The following PRR23E variants were observed in gnomAD, a reference collection of about 807,000 sequenced individuals.
The protein encoded by PRR23E is proline-rich protein 23E.
the PRR23E span, among the ~76,000 whole-genome samples, chr3:127,194,125 A>G: frequency 9.3e-4 from 141 of 152,344 alleles, no homozygotes; most frequent in African/African-American, 3.2e-3. Context: ...TTAAATAGCC[A>G]GTTTTATCTG....
the PRR23E span, among the ~76,000 whole-genome samples, chr3:127,195,161 C>T: frequency 6.6e-6 from 1 of 152,198 alleles, no homozygotes; most frequent in Non-Finnish European, 1.5e-5. Context: ...ATACACCAGA[C>T]CCACTCAGCC....
chr3:127,196,895 A>G, the PRR23E span: 1 of 1,599,198 alleles, frequency 6.3e-7, no homozygotes, highest in African/African-American at 1.3e-5. Flanking sequence ...TTTCCCCACA[A>G]GCTTACCCAG....
At chr3:127,197,303 G>C in the PRR23E span, 1 of 1,598,836 alleles carries the variant, frequency 6.3e-7, no homozygotes, top group Non-Finnish European at 8.5e-7. Context: ...GCAGTTCAGA[G>C]CTCCGCCCTC....
the PRR23E span, chr3:127,197,392 G>T: frequency 1.3e-6 from 2 of 1,555,648 alleles, no homozygotes; most frequent in South Asian, 2.4e-5. Context: ...TGCAGGGCCC[G>T]CCGCCGCCTC....
chr3:127,196,573 T>G, the PRR23E span: 5 of 1,433,006 alleles, frequency 3.5e-6, no homozygotes, highest in African/African-American at 5.7e-5. Flanking sequence ...TCTGACTGGC[T>G]GTCTGCTCAC....
At chr3:127,195,155 A>C in the PRR23E span, among the ~76,000 whole-genome samples, 1 of 152,104 alleles carries the variant, frequency 6.6e-6, no homozygotes, top group East Asian at 1.9e-4. Flanking sequence ...GAAGAGATAC[A>C]CCAGACCCAC....
chr3:127,195,000 T>C, the PRR23E span, among the ~76,000 whole-genome samples: 4 of 152,170 alleles, frequency 2.6e-5, no homozygotes, highest in African/African-American at 9.7e-5. Context: ...GCACCTCCCA[T>C]GGTCCAGGAC....
At chr3:127,197,302 A>G in the PRR23E span, 2 of 1,598,178 alleles carry the variant, frequency 1.3e-6, no homozygotes, top group Non-Finnish European at 1.7e-6. Context: ...TGCAGTTCAG[A>G]GCTCCGCCCT....
the PRR23E span, among the ~76,000 whole-genome samples, chr3:127,194,968 C>G: frequency 6.6e-6 from 1 of 152,194 alleles, no homozygotes; most frequent in East Asian, 1.9e-4. Flanking sequence ...GTTTCCATCT[C>G]AGAGCATCAG....
chr3:127,193,537 G>T, the PRR23E span, among the ~76,000 whole-genome samples: 1 of 152,002 alleles, frequency 6.6e-6, no homozygotes, highest in East Asian at 1.9e-4. Context: ...GCCAAGCCCA[G>T]GACCCTCCTG....
chr3:127,197,211 G>C, the PRR23E span: 1 of 1,597,408 alleles, frequency 6.3e-7, no homozygotes, highest in South Asian at 1.1e-5. Context: ...GCCATCCAGA[G>C]GAGCTCCCTA....
chr3:127,196,989 T>A, the PRR23E span: 1 of 1,599,246 alleles, frequency 6.3e-7, no homozygotes. Context: ...GCCTTCAGTG[T>A]GGCTGTATTG....
At chr3:127,197,374 G>C in the PRR23E span, 754 of 1,573,510 alleles carry the variant, frequency 4.8e-4, 5 homozygotes, top group African/African-American at 3.2e-3. Flanking sequence ...TCCTCCTCCC[G>C]GTCACCCTGC....
At chr3:127,196,268 C>T in the PRR23E span, among the ~76,000 whole-genome samples, 7 of 152,178 alleles carry the variant, frequency 4.6e-5, no homozygotes, top group Non-Finnish European at 1.0e-4. Flanking sequence ...ATCTTTAACT[C>T]TCCCTCCAGC....
chr3:127,197,568 T>C, the PRR23E span: 1 of 476,106 alleles, frequency 2.1e-6, no homozygotes. Context: ...GCAAGGCCCC[T>C]CTATTTGCTA....
At chr3:127,197,261 C>T in the PRR23E span, 20 of 1,599,348 alleles carry the variant, frequency 1.3e-5, no homozygotes, top group Non-Finnish European at 1.4e-5. Flanking sequence ...AATGGGCCTC[C>T]AGGTTCGGTA....
chr3:127,196,779 A>G, the PRR23E span: 2 of 1,596,772 alleles, frequency 1.3e-6, no homozygotes, highest in South Asian at 2.2e-5. Flanking sequence ...GGCAGCCTCA[A>G]CCCCCTGGGT....
the PRR23E span, chr3:127,197,365 C>T: frequency 1.9e-6 from 3 of 1,582,982 alleles, no homozygotes; most frequent in Non-Finnish European, 2.6e-6. Context: ...TGCTCCCGCT[C>T]CTCCTCCCGG....
chr3:127,194,000 T>C, the PRR23E span, among the ~76,000 whole-genome samples: 1 of 152,268 alleles, frequency 6.6e-6, no homozygotes, highest in Non-Finnish European at 1.5e-5. Context: ...GTATCTGACA[T>C]ATGATTAGCT....
Sources: gnomAD v4.1 joint callset for allele counts (sites outside exome capture counted in the v4.1 genomes callset) on GRCh38, gnomAD v4.1.1 for gene constraint, MANE v1.5 for transcripts, NCBI Gene and HGNC (gene_info 2026-07-23, HGNC 2026-07-21) for gene names.